CLDN18: variants seen among roughly 807,000 people sequenced by gnomAD.
The protein encoded by CLDN18 is claudin-18.
A neutral mutation model predicts 25.0 loss-of-function variants in CLDN18; 20 were observed. That is an observed-to-expected ratio of 0.80 (90% confidence interval 0.56 to 1.16). The LOEUF is 1.16. Among genes scored for constraint, CLDN18 ranks in the 50% most tolerant of loss-of-function variants. CLDN18 has a pLI of 0.00. For synonymous variants in CLDN18, 125 were observed against 135.6 expected, an observed-to-expected ratio of 0.92 and a Z score of 0.54; for missense variants, 297 against 345.4, an observed-to-expected ratio of 0.86 and a Z score of 1.11.
chr3:138,007,973 T>C (rs1008260241), upstream of CLDN18, among the ~76,000 whole-genome samples: 4 of 152,204 alleles, frequency 2.6e-5, no homozygotes, highest in Non-Finnish European at 5.9e-5. Context: ...TTTTAGGCTT[T>C]CTGGCTCATG....
chr3:138,002,038 A>G (rs774272061), intron 1 of CLDN18, among the ~76,000 whole-genome samples: 11 of 152,146 alleles, frequency 7.2e-5, no homozygotes, highest in Non-Finnish European at 1.2e-4. Context: ...CACCTGTTTT[A>G]GTGTTCAACC....
At chr3:138,000,844 A>T (rs1410871404) in intron 1 of CLDN18, among the ~76,000 whole-genome samples, 1 of 152,186 alleles carries the variant, frequency 6.6e-6, no homozygotes, top group Admixed American at 6.5e-5. Context: ...CTCACTGCAG[A>T]TACGAAGTGC....
chr3:138,005,018 G>A (rs1457969537), intron 1 of CLDN18: 1 of 151,816 alleles, frequency 6.6e-6, no homozygotes, highest in Non-Finnish European at 1.5e-5. Context: ...GAATTTAAAA[G>A]CAAATAATCA....
At chr3:138,025,552 G>A (rs1352960087) in intron 3 of CLDN18, among the ~76,000 whole-genome samples, 1 of 152,146 alleles carries the variant, frequency 6.6e-6, no homozygotes, top group African/African-American at 2.4e-5. Context: ...GACGGAGAGG[G>A]AGGGTGTGAT....
rs868038548 is a variant in CLDN18 at position 138,032,675 on chromosome 3, C to T, written c.*1534C>T. On this transcript the variant is annotated 3_prime_UTR_variant, in exon 5 of 5. Transcript: ENST00000183605. ...TCCAGGCTGGCCTCAAACTCCTGCA[C>T]TCAAGCAATTCTTCTACCCTGGCCT... 4 of 152,140 alleles carry T rather than the reference C, an allele frequency of 2.6e-5. No individual in the cohort carries two copies. In the South Asian group the frequency reaches 8.3e-4, roughly 32 times the overall value. The allele number at this position is 152,140 out of a possible 1,614,324, so 9.4% of individuals were successfully genotyped here. A position where few individuals can be genotyped will look rare whatever the true frequency, so the allele number is the denominator to read the frequency against.
chr3:138,002,999 T>C (rs1942034565), intron 1 of CLDN18, among the ~76,000 whole-genome samples: 3 of 152,214 alleles, frequency 2.0e-5, no homozygotes, highest in East Asian at 1.9e-4. Flanking sequence ...CCAGACTGTC[T>C]GCACATAGGG....
intron 1 of CLDN18, chr3:137,999,196 C>A: frequency 1.0e-6 from 1 of 995,692 alleles, no homozygotes; most frequent in Non-Finnish European, 1.5e-6. Context: ...GGAGGAACTG[C>A]GATTCGTGTT....
intron 1 of CLDN18, among the ~76,000 whole-genome samples, chr3:138,020,938 G>A (rs1261900366): frequency 1.3e-5 from 2 of 152,180 alleles, no homozygotes; most frequent in African/African-American, 2.4e-5. Context: ...GAAAAGTAAT[G>A]ATTTTGAGGC....
intron 1 of CLDN18, among the ~76,000 whole-genome samples, chr3:138,002,080 A>G (rs773033239): frequency 6.6e-6 from 1 of 152,196 alleles, no homozygotes; most frequent in Non-Finnish European, 1.5e-5. Flanking sequence ...CTCTATTCAC[A>G]TAGAACTGTT....
At chr3:138,003,643 G>C (rs1024886246) in intron 1 of CLDN18, among the ~76,000 whole-genome samples, 11 of 151,984 alleles carry the variant, frequency 7.2e-5, no homozygotes, top group Non-Finnish European at 1.3e-4. Flanking sequence ...TAAAGATTTC[G>C]TGGAAATATA....
At chr3:137,999,690 G>A (rs981326057) in intron 1 of CLDN18, among the ~76,000 whole-genome samples, 9 of 152,188 alleles carry the variant, frequency 5.9e-5, no homozygotes, top group East Asian at 1.9e-4. Flanking sequence ...GACTCAGGGC[G>A]CTCTCTGCAC....
At chr3:138,027,663 G>A (rs1180053051) in intron 3 of CLDN18, among the ~76,000 whole-genome samples, 1 of 152,230 alleles carries the variant, frequency 6.6e-6, no homozygotes, top group South Asian at 2.1e-4. Flanking sequence ...CACAATATCA[G>A]TAAGGGCTTA....
chr3:138,020,960 T>G lies in CLDN18; in HGVS notation c.221-2698T>G, dbSNP rs753305658. On this transcript the variant is annotated intron_variant, in intron 1 of 4. Transcript: ENST00000183605. ...AATGATTTTGAGGCAATTTTGGATT[T>G]GACTCCCAGCTCTGCCTCCTTTCCC... Among the ~76,000 whole-genome samples, 76 of 152,352 alleles carry G rather than the reference T, an allele frequency of 5.0e-4. No individual in the cohort carries two copies. The Middle Eastern group carries it at 0.01, about 20-fold the overall frequency.
chr3:138,024,353 T>G (rs188328323), intron 2 of CLDN18, among the ~76,000 whole-genome samples: 2 of 152,286 alleles, frequency 1.3e-5, no homozygotes, highest in Non-Finnish European at 1.5e-5. Context: ...TTTGGAATAT[T>G]GAGCCTTGGT....
chr3:138,029,823 T>C lies in CLDN18; in HGVS notation c.530T>C (p.Val177Ala). ...TRYTFGAALF[V>A]GWVAGGLTLI... Reference sequence around the variant, plus strand: ...TACACATTTGGTGCGGCTCTGTTCGTGGGCTGGGTCGCTGGAGGCCTCACA... The same window carrying C: ...TACACATTTGGTGCGGCTCTGTTCGCGGGCTGGGTCGCTGGAGGCCTCACA... Residue 177 changes from valine (V) to alanine (A), a missense_variant, in exon 4 of 5, where the codon GTG becomes GCG. Physicochemically the swap from Val to Ala is moderately conservative, Grantham distance 64. Coordinates refer to ENST00000183605, the MANE Select transcript of CLDN18 (RefSeq NM_016369.4). 1 of 1,588,914 alleles carries C rather than the reference T, an allele frequency of 6.3e-7. No individual in the cohort carries two copies. Among genetic ancestry groups the C allele is most frequent in the Non-Finnish European group, 8.6e-7 (1 of 1,168,734 alleles).
intron 1 of CLDN18, among the ~76,000 whole-genome samples, chr3:138,013,969 G>A (rs1429731794): frequency 2.0e-5 from 3 of 150,868 alleles, no homozygotes; most frequent in Admixed American, 2.0e-4. Context: ...TTTAATAACA[G>A]AGGAATGTAA....
chr3:138,016,250 A>G (rs560732138), intron 1 of CLDN18, among the ~76,000 whole-genome samples: 1 of 152,312 alleles, frequency 6.6e-6, no homozygotes, highest in South Asian at 2.1e-4. Flanking sequence ...AACACAAGGC[A>G]AAGCTTCTAA....
chr3:138,005,438 C>A (rs535710978), upstream of CLDN18, among the ~76,000 whole-genome samples: 18 of 151,814 alleles, frequency 1.2e-4, no homozygotes, highest in South Asian at 3.1e-3. Context: ...CCTCCCTGTG[C>A]CCATATGTTC....
chr3:138,014,439 G>T (rs756630996), intron 1 of CLDN18, among the ~76,000 whole-genome samples: 43 of 152,120 alleles, frequency 2.8e-4, no homozygotes, highest in Admixed American at 1.9e-3. Flanking sequence ...TGCCCGTCTT[G>T]CATCTCCTAC....
Sources: allele counts gnomAD v4.1 joint callset (sites outside exome capture counted in the v4.1 genomes callset), GRCh38; gene constraint gnomAD v4.1.1; transcripts MANE v1.5; gene names NCBI Gene and HGNC (gene_info 2026-07-23, HGNC 2026-07-21).